The following PTPRK variants were observed in gnomAD, a reference collection of about 807,000 sequenced individuals.
PTPRK encodes protein tyrosine phosphatase receptor type K.
A neutral mutation model predicts 178.0 loss-of-function variants in PTPRK; 75 were observed. The observed-to-expected ratio is 0.42, with a 90% confidence interval of 0.35 to 0.51. The LOEUF is 0.51. Ranked by LOEUF, PTPRK falls within the 20% of genes least tolerant of loss-of-function variation. PTPRK has a pLI of 0.02. For missense variants in PTPRK, 1,441 were observed against 1,797.8 expected (o/e 0.80, Z 3.59); for synonymous variants, 637 against 620.6 (o/e 1.03, Z -0.39).
At chr6:128,102,722 T>A (rs572373332) in intron 7 of PTPRK, among the ~76,000 whole-genome samples, 2 of 152,222 alleles carry the variant, frequency 1.3e-5, no homozygotes, top group Non-Finnish European at 1.5e-5. Flanking sequence ...TTCAATTACC[T>A]ACCAAATATT....
chr6:128,057,808 T>C (rs4895828), intron 13 of PTPRK, among the ~76,000 whole-genome samples: 2,860 of 152,290 alleles, frequency 0.019, 76 homozygotes, highest in East Asian at 0.057. Context: ...CGGGAACCCC[T>C]GAGACAGATA....
chr6:128,079,006 G>GA lies in PTPRK; in HGVS notation c.1778-89dup, dbSNP rs932096813. 2.0e-3 allele frequency: 1,548 copies of GA among 779,686 alleles called. 10 individuals carry two copies. Among genetic ancestry groups the GA allele is most frequent in the South Asian group, 1.1e-3 (43 of 40,082 alleles). 48.3% of individuals were successfully genotyped at this position (779,686 alleles called of 1,614,324 possible). On this transcript the variant is annotated intron_variant, in intron 10 of 29. Coordinates refer to ENST00000368226, the MANE Select transcript of PTPRK (RefSeq NM_002844.4). ...GAATGAACAGACAATCTTAAGTTAG[G>GA]AAAAAAAAATTCACCTAATTATCTA...
chr6:128,099,198 T>TA (rs1788398589), intron 7 of PTPRK, among the ~76,000 whole-genome samples: 2 of 148,908 alleles, frequency 1.3e-5, no homozygotes, highest in Non-Finnish European at 3.0e-5. Context: ...ATATATATAT[T>TA]TTTTCTTTTT....
chr6:128,132,227 T>A (rs1321887150), intron 7 of PTPRK, among the ~76,000 whole-genome samples: 1 of 152,142 alleles, frequency 6.6e-6, no homozygotes, highest in African/African-American at 2.4e-5. Context: ...CAGGCTGGAG[T>A]GCAGTGGCGC....
chr6:128,437,780 T>C (rs1441501072), intron 1 of PTPRK, among the ~76,000 whole-genome samples: 1 of 152,152 alleles, frequency 6.6e-6, no homozygotes, highest in Non-Finnish European at 1.5e-5. Flanking sequence ...TGAGGGGGTG[T>C]ACCGAGGTAT....
chr6:128,410,499 T>C (rs1337162781), intron 1 of PTPRK, among the ~76,000 whole-genome samples: 1 of 152,194 alleles, frequency 6.6e-6, no homozygotes, highest in Non-Finnish European at 1.5e-5. Flanking sequence ...ATATTGGCAA[T>C]AACATAGTCA....
intron 3 of PTPRK, among the ~76,000 whole-genome samples, chr6:128,304,122 C>A (rs1826036407): frequency 1.3e-5 from 2 of 152,210 alleles, no homozygotes; most frequent in South Asian, 2.1e-4. Context: ...CACAGTAGTG[C>A]CTTCTGCTCT....
At chr6:128,296,726 C>A (rs575574658) in intron 3 of PTPRK, among the ~76,000 whole-genome samples, 1,541 of 152,012 alleles carry the variant, frequency 0.01, 25 homozygotes, top group African/African-American at 0.035. Flanking sequence ...TGAAGGAAGC[C>A]CTAAACATGG....
At chr6:128,134,907 C>A (rs1794785240) in intron 7 of PTPRK, among the ~76,000 whole-genome samples, 1 of 152,002 alleles carries the variant, frequency 6.6e-6, no homozygotes, top group Admixed American at 6.6e-5. Flanking sequence ...AAGTTGAAGG[C>A]CTTAAGAGAA....
At chr6:128,145,432 T>C (rs1796343737) in intron 7 of PTPRK, among the ~76,000 whole-genome samples, 3 of 152,282 alleles carry the variant, frequency 2.0e-5, no homozygotes, top group South Asian at 2.1e-4. Flanking sequence ...TACATGTCAA[T>C]CTTGCTTCAA....
At chr6:128,091,966 T>G (rs1348445914) in intron 7 of PTPRK, among the ~76,000 whole-genome samples, 1 of 152,228 alleles carries the variant, frequency 6.6e-6, no homozygotes, top group African/African-American at 2.4e-5. Context: ...AATGATTTAT[T>G]TATTATCTGT....
At chr6:128,436,215 A>G (rs2128397557) in intron 1 of PTPRK, among the ~76,000 whole-genome samples, 1 of 152,276 alleles carries the variant, frequency 6.6e-6, no homozygotes, top group South Asian at 2.1e-4. Flanking sequence ...ATTTCATTTT[A>G]AATTACAGTT....
intron 3 of PTPRK, among the ~76,000 whole-genome samples, chr6:128,270,195 C>A (rs1399347847): frequency 6.6e-6 from 1 of 152,000 alleles, no homozygotes; most frequent in African/African-American, 2.4e-5. Flanking sequence ...ACAATATCAA[C>A]CATGTGTTAT....
intron 5 of PTPRK, among the ~76,000 whole-genome samples, chr6:128,222,353 C>G (rs539913956): frequency 1.3e-5 from 2 of 152,320 alleles, no homozygotes; most frequent in East Asian, 3.9e-4. Context: ...TTTCCTGGTT[C>G]CTAACTTGAA....
rs137983254 is a variant in PTPRK, at chr6:128,009,556, C to T, written c.2195-288G>A. The stretch of plus-strand genomic sequence containing the variant: ...TTTTCCCCAAGTGTCCTTGAAAGTC[C>T]GAACATAAGGTTGTCTAGCAACTAG... On this transcript the variant is annotated intron_variant, in intron 13 of 29. Coordinates refer to ENST00000368226, the MANE Select transcript of PTPRK (RefSeq NM_002844.4). Among the ~76,000 whole-genome samples, 681 of 151,088 alleles carry T rather than the reference C, an allele frequency of 4.5e-3. 7 individuals are homozygous for T. Among genetic ancestry groups the T allele is most frequent in the African/African-American group, 0.014 (591 of 41,364 alleles).
intron 13 of PTPRK, among the ~76,000 whole-genome samples, chr6:128,057,822 A>G (rs1219803057): frequency 6.6e-6 from 1 of 152,240 alleles, no homozygotes; most frequent in Non-Finnish European, 1.5e-5. Context: ...ACAGATACAT[A>G]TCTAGATAAT....
intron 1 of PTPRK, among the ~76,000 whole-genome samples, chr6:128,470,879 T>C (rs1194223014): frequency 1.3e-5 from 2 of 150,560 alleles, no homozygotes; most frequent in African/African-American, 4.9e-5. Flanking sequence ...ACATTTTCAC[T>C]GCATTTAACC....
intron 1 of PTPRK, among the ~76,000 whole-genome samples, chr6:128,426,065 C>T (rs549762950): frequency 6.6e-6 from 1 of 152,160 alleles, no homozygotes; most frequent in Non-Finnish European, 1.5e-5. Context: ...CCATAGAAAC[C>T]TCTGTGTGCA....
chr6:128,377,999 T>C (rs1251216600), intron 2 of PTPRK, among the ~76,000 whole-genome samples: 1 of 152,162 alleles, frequency 6.6e-6, no homozygotes, highest in African/African-American at 2.4e-5. Context: ...AAGAATTATA[T>C]TTCAGAAGTA....
Sources: allele counts gnomAD v4.1 joint callset (sites outside exome capture counted in the v4.1 genomes callset), GRCh38; gene constraint gnomAD v4.1.1; transcripts MANE v1.5; gene names NCBI Gene and HGNC (gene_info 2026-07-23, HGNC 2026-07-21).